FLT1: variants seen among roughly 807,000 people sequenced by gnomAD.
The protein encoded by FLT1 is vascular endothelial growth factor receptor 1.
FLT1 carries 49 observed loss-of-function variants against 156.3 expected under a neutral mutation model. That is an observed-to-expected ratio of 0.31 (90% CI 0.25 to 0.40). The LOEUF (loss-of-function observed/expected upper bound fraction) is 0.40. FLT1 is among the 10% of genes least tolerant of loss of function. The pLI is 1.00. For missense variants in FLT1, 1,322 were observed against 1,637.2 expected (o/e 0.81, Z 3.32); for synonymous variants, 594 against 583.8 (o/e 1.02, Z -0.25).
chr13:28,473,047 G>C (rs561696175), intron 1 of FLT1, among the ~76,000 whole-genome samples: 8 of 152,106 alleles, frequency 5.3e-5, no homozygotes, highest in African/African-American at 1.9e-4. Flanking sequence ...AAAAACACAG[G>C]GAGACACCAC....
intron 15 of FLT1, among the ~76,000 whole-genome samples, chr13:28,350,892 C>T (rs559717044): frequency 6.6e-6 from 1 of 151,352 alleles, no homozygotes; most frequent in African/African-American, 2.4e-5. Context: ...TCCTCCCTTT[C>T]TTCCTTCCTT....
intron 1 of FLT1, among the ~76,000 whole-genome samples, chr13:28,483,601 G>A (rs1880979870): frequency 6.6e-6 from 1 of 152,178 alleles, no homozygotes; most frequent in African/African-American, 2.4e-5. Context: ...CAAGAAAGAA[G>A]AAGGAAAACG....
chr13:28,324,525 A>T (rs1871598798), intron 20 of FLT1, among the ~76,000 whole-genome samples: 1 of 152,260 alleles, frequency 6.6e-6, no homozygotes, highest in African/African-American at 2.4e-5. Flanking sequence ...AGAGGGAGGC[A>T]GGCCTCAGAG....
chr13:28,466,511 C>G (rs988272199), intron 3 of FLT1, among the ~76,000 whole-genome samples: 2 of 152,210 alleles, frequency 1.3e-5, no homozygotes, highest in African/African-American at 4.8e-5. Flanking sequence ...CAGTATTTTA[C>G]AGTTCCAACA....
Position 28,471,932 on chromosome 13 carries a change from G to T in FLT1, c.65-4315C>A, listed in dbSNP as rs561997274. 2.0e-5 allele frequency among the ~76,000 whole-genome samples: 3 copies of T among 152,152 alleles called. No homozygotes were observed. The South Asian group carries it at 6.2e-4, about 32-fold the overall frequency. On this transcript the variant is annotated intron_variant, in intron 1 of 29. Coordinates refer to ENST00000282397, the MANE Select transcript of FLT1 (RefSeq NM_002019.4). ...AACTCAACATAGAGCATGAAAATGG[G>T]CTTTATCCCATGCTACTTTGTTAGA... is the stretch of plus-strand genomic sequence containing the variant.
At chr13:28,445,782 TAGAAG>T (rs1255489470) in intron 3 of FLT1, among the ~76,000 whole-genome samples, 1 of 152,062 alleles carries the variant, frequency 6.6e-6, no homozygotes, top group Non-Finnish European at 1.5e-5. Flanking sequence ...TTCCAAAAAA[TAGAAG>T]AGAAGAGAAA....
Position 28,389,945 on chromosome 13 carries a change from T to G in FLT1, c.1820A>C (p.Gln607Pro), listed in dbSNP as rs370849583. The change falls in exon 13 of 30, where the codon CAA becomes CCA. Residue 607 changes from glutamine to proline, a missense_variant. Gln to Pro is a moderately conservative substitution (Grantham distance 76). Around this residue, in one of 3 missense-constraint regions of FLT1, gnomAD observed 991 missense variants for 1,254.8 expected, o/e 0.79. Coordinates refer to ENST00000282397, the MANE Select transcript of FLT1 (RefSeq NM_002019.4). ...NRTMHYSISKQKMAITKEHSI... is the reference protein window; with the variant it reads ...NRTMHYSISKPKMAITKEHSI... ...GTGCTCCTTAGTGATGGCCATTTTTTGCTTGCTAATACTGTAGTGCATTGT... is the reference window on the plus strand; with the variant it reads ...GTGCTCCTTAGTGATGGCCATTTTTGGCTTGCTAATACTGTAGTGCATTGT... 1 of 1,614,214 alleles carries G rather than the reference T, an allele frequency of 6.2e-7. No individual in the cohort carries two copies. The highest frequency in any genetic ancestry group is 1.1e-5 in the South Asian group (1 of 91,078).
At chr13:28,472,256 T>G (rs913710346) in intron 1 of FLT1, among the ~76,000 whole-genome samples, 3 of 152,234 alleles carry the variant, frequency 2.0e-5, no homozygotes, top group Non-Finnish European at 2.9e-5. Flanking sequence ...TTTCTTTGAC[T>G]TCATTGGGAA....
chr13:28,446,433 T>C (rs192868720), intron 3 of FLT1, among the ~76,000 whole-genome samples: 2 of 152,314 alleles, frequency 1.3e-5, no homozygotes, highest in Admixed American at 1.3e-4. Context: ...AAAAAACTAC[T>C]AGAATTAATA....
At chr13:28,384,576 C>T (rs1300094067) in intron 14 of FLT1, among the ~76,000 whole-genome samples, 1 of 152,172 alleles carries the variant, frequency 6.6e-6, no homozygotes, top group African/African-American at 2.4e-5. Flanking sequence ...CTCACTTTCC[C>T]AGCCGTCATG....
intron 16 of FLT1, among the ~76,000 whole-genome samples, chr13:28,344,456 T>G (rs1160752245): frequency 6.7e-6 from 1 of 149,136 alleles, no homozygotes; most frequent in Non-Finnish European, 1.5e-5. Context: ...GTGTGGCTGA[T>G]TAAAGCCAAT....
chr13:28,313,460 A>T (rs7999362), intron 25 of FLT1, among the ~76,000 whole-genome samples: 3 of 152,254 alleles, frequency 2.0e-5, no homozygotes, highest in Admixed American at 2.0e-4. Context: ...TTATATGTTA[A>T]CTCTTCTCTC....
chr13:28,306,260 CAG>C (rs1238052104), intron 29 of FLT1, among the ~76,000 whole-genome samples: 2 of 152,172 alleles, frequency 1.3e-5, no homozygotes, highest in Non-Finnish European at 2.9e-5. Context: ...GCTGAGCTCT[CAG>C]GGTACAGGTC....
chr13:28,315,745 A>T (rs568193981), intron 25 of FLT1, among the ~76,000 whole-genome samples: 1 of 152,330 alleles, frequency 6.6e-6, no homozygotes, highest in African/African-American at 2.4e-5. Context: ...GAAGATTGGA[A>T]GGACATATTT....
chr13:28,447,367 G>T (rs895548701), intron 3 of FLT1, among the ~76,000 whole-genome samples: 3 of 151,284 alleles, frequency 2.0e-5, no homozygotes, highest in African/African-American at 4.9e-5. Flanking sequence ...AAATTTTTTT[G>T]TAGAGATAAG....
chr13:28,354,181 G>A (rs370697455), intron 15 of FLT1, among the ~76,000 whole-genome samples: 43 of 152,274 alleles, frequency 2.8e-4, no homozygotes, highest in African/African-American at 9.6e-4. Context: ...AAATTAATGA[G>A]CAGGTACCGT....
chr13:28,316,117 C>T (rs557359216), intron 25 of FLT1, among the ~76,000 whole-genome samples: 107 of 152,320 alleles, frequency 7.0e-4, no homozygotes, highest in African/African-American at 2.4e-3. Context: ...GAGGACACCA[C>T]GCACCAGTGA....
intron 10 of FLT1, among the ~76,000 whole-genome samples, chr13:28,417,154 A>T (rs1005802599): frequency 6.6e-6 from 1 of 152,174 alleles, no homozygotes; most frequent in South Asian, 2.1e-4. Context: ...CCAGGTAGTG[A>T]CTGCCTGCCT....
intron 1 of FLT1, among the ~76,000 whole-genome samples, chr13:28,471,901 C>CA (rs1203220049): frequency 6.6e-6 from 1 of 151,960 alleles, no homozygotes; most frequent in East Asian, 1.9e-4. Flanking sequence ...TAAAATAAAA[C>CA]AAAAAAACTC....
Sources: allele counts gnomAD v4.1 joint callset (sites outside exome capture counted in the v4.1 genomes callset), GRCh38; gene constraint gnomAD v4.1.1; regional missense constraint gnomAD v4.1.1; transcripts MANE v1.5; gene names NCBI Gene and HGNC (gene_info 2026-07-23, HGNC 2026-07-21).